The following APPBP2 variants were observed in gnomAD, a reference collection of about 807,000 sequenced individuals.
The protein encoded by APPBP2 is amyloid beta precursor protein binding protein 2.
A neutral mutation model predicts 76.0 loss-of-function variants in APPBP2; 15 were observed. The observed-to-expected ratio is 0.20, with a 90% CI of 0.13 to 0.30. The LOEUF (loss-of-function observed/expected upper bound fraction) is 0.30. Ranked by LOEUF, APPBP2 falls within the 10% of genes least tolerant of loss-of-function variation. The probability of loss-of-function intolerance (pLI) is 1.00; values close to 1 mark genes in which losing one functional copy is unlikely to be tolerated. For synonymous variants in APPBP2, 222 were observed against 242.2 expected (o/e 0.92, Z 0.77); for missense variants, 401 against 687.2 (o/e 0.58, Z 4.66).
intron 1 of APPBP2, among the ~76,000 whole-genome samples, chr17:60,515,481 T>C (rs2090955319): frequency 6.6e-6 from 1 of 152,212 alleles, no homozygotes; most frequent in Admixed American, 6.5e-5. Context: ...ATATTTTAAA[T>C]GTGAAGCTTG....
At chr17:60,515,112 AT>A (rs746696162) in intron 1 of APPBP2, among the ~76,000 whole-genome samples, 2,412 of 106,228 alleles carry the variant, frequency 0.023, 50 homozygotes, top group East Asian at 0.16. Context: ...CCTATTTTAA[AT>A]TTTTTTTTTT....
chr17:60,494,323 T>A, intron 3 of APPBP2, 143 bp downstream of exon 3: 1 of 768,438 alleles, frequency 1.3e-6, no homozygotes, highest in East Asian at 2.8e-5. Flanking sequence ...GTATAATGCT[T>A]TGGCATGGGG....
At position 60,494,528 on chromosome 17, in the gene APPBP2, G is replaced by T. The variant is rs747812788; in HGVS notation, c.317C>A (p.Ser106Tyr). 17 of 1,612,460 alleles carry T rather than the reference G, an allele frequency of 1.1e-5. No individual in the cohort carries two copies. The highest frequency in any genetic ancestry group is 1.4e-5 in the Non-Finnish European group (17 of 1,179,752). ...TGCAGCATCTGATTCTGCTATATAA[G>T]AGCACCGCCTACTGAATGAGTAGGC... ...VLAYSFSRRC[S>Y]YIAESDAAVK... is the part of the protein sequence containing the mutation. Residue 106 changes from serine to tyrosine, a missense_variant, in exon 3 of 13, where the codon TCT becomes TAT. This residue lies in a region of APPBP2 where 149 missense variants were observed against 198.4 expected (regional missense o/e 0.75). Transcript: ENST00000083182.
intron 1 of APPBP2, among the ~76,000 whole-genome samples, chr17:60,501,715 A>C (rs976116630): frequency 6.6e-6 from 1 of 152,216 alleles, no homozygotes; most frequent in African/African-American, 2.4e-5. Context: ...TTTATATTAC[A>C]GGCATTTAAC....
At chr17:60,521,826 TG>T (rs2091012213) in intron 1 of APPBP2, among the ~76,000 whole-genome samples, 2 of 152,224 alleles carry the variant, frequency 1.3e-5, no homozygotes, top group Non-Finnish European at 2.9e-5. Flanking sequence ...ATTTTATGTG[TG>T]GCCCAAGACA....
intron 1 of APPBP2, among the ~76,000 whole-genome samples, chr17:60,519,046 G>C (rs906927044): frequency 1.3e-5 from 2 of 151,996 alleles, no homozygotes; most frequent in Admixed American, 1.3e-4. Context: ...GAGCGGCCTC[G>C]ACTTGCCAAG....
chr17:60,467,061 G>C (rs1393432992), intron 4 of APPBP2, among the ~76,000 whole-genome samples: 1 of 152,160 alleles, frequency 6.6e-6, no homozygotes, highest in South Asian at 2.1e-4. Flanking sequence ...ATAGTACAAT[G>C]CTTTAGATCA....
intron 3 of APPBP2, among the ~76,000 whole-genome samples, 177 bp from the exon 4 acceptor site, chr17:60,479,448 G>C (rs1177374098): frequency 6.6e-6 from 1 of 152,152 alleles, no homozygotes; most frequent in Non-Finnish European, 1.5e-5. Flanking sequence ...TTTGAACTAC[G>C]GGAAGGAGGG....
rs1419931621 is a variant in APPBP2 at position 60,445,737 on chromosome 17, G to A, written c.*1844C>T. On this transcript the variant is annotated 3_prime_UTR_variant, in exon 13 of 13. Transcript: ENST00000083182. Reference sequence around the variant, plus strand: ...GGGGTGGGGGGCAGCTTCATAAACTGCAAGTACGTCAATTTACTCTTTCCA... The same window carrying A: ...GGGGTGGGGGGCAGCTTCATAAACTACAAGTACGTCAATTTACTCTTTCCA... The A allele has an allele frequency of 2.0e-5, 3 of 152,218 alleles. 1 individual carries two copies. The East Asian group carries it at 5.8e-4, about 29-fold the overall frequency. The allele number at this position is 152,218 out of a possible 1,614,324, so 9.4% of individuals were successfully genotyped here.
intron 1 of APPBP2, among the ~76,000 whole-genome samples, chr17:60,519,014 A>AGC (rs1242955300): frequency 6.6e-6 from 1 of 152,176 alleles, no homozygotes; most frequent in Non-Finnish European, 1.5e-5. Context: ...GCTAGTGTGC[A>AGC]GCGGCACAAT....
At chr17:60,518,503 C>CGT (rs146968316) in intron 1 of APPBP2, among the ~76,000 whole-genome samples, 12,864 of 133,534 alleles carry the variant, frequency 0.096, 2,136 homozygotes, top group African/African-American at 0.34. Flanking sequence ...CATGCCCAGC[C>CGT]GTGTGTGTGT....
At chr17:60,513,611 C>T (rs2090937553) in intron 1 of APPBP2, 3 of 299,078 alleles carry the variant, frequency 1.0e-5, no homozygotes, top group Non-Finnish European at 1.9e-5. Flanking sequence ...TCTGTAATCC[C>T]AGCACTTTGA....
At chr17:60,464,531 T>C (rs959628573) in intron 5 of APPBP2, among the ~76,000 whole-genome samples, 2 of 152,198 alleles carry the variant, frequency 1.3e-5, no homozygotes, top group African/African-American at 2.4e-5. Context: ...ATTGTCTGTT[T>C]AGTTGAGTGT....
chr17:60,485,147 G>A (rs2090663286), intron 3 of APPBP2, among the ~76,000 whole-genome samples: 1 of 152,096 alleles, frequency 6.6e-6, no homozygotes, highest in Non-Finnish European at 1.5e-5. Context: ...TGTTCATCAG[G>A]GATATTGGTC....
chr17:60,468,919 G>C (rs1192229360), intron 4 of APPBP2, among the ~76,000 whole-genome samples: 1 of 152,126 alleles, frequency 6.6e-6, no homozygotes, highest in Admixed American at 6.6e-5. Context: ...AAATGTGTAA[G>C]TCATTAGTTT....
At chr17:60,471,825 C>T (rs1598354031) in intron 4 of APPBP2, among the ~76,000 whole-genome samples, 2 of 152,144 alleles carry the variant, frequency 1.3e-5, no homozygotes, top group South Asian at 4.1e-4. Context: ...GTAACGTTAA[C>T]CTTTTAAAAC....
intron 10 of APPBP2, among the ~76,000 whole-genome samples, chr17:60,455,647 A>C (rs1443072133): frequency 6.6e-6 from 1 of 152,256 alleles, no homozygotes; most frequent in Admixed American, 6.5e-5. Flanking sequence ...ACAAAGCTGA[A>C]GTTATGAAAC....
intron 4 of APPBP2, among the ~76,000 whole-genome samples, chr17:60,470,827 G>A (rs1352056825): frequency 1.4e-5 from 2 of 147,620 alleles, no homozygotes; most frequent in African/African-American, 5.0e-5. Flanking sequence ...GTCTTGCTCT[G>A]TTGCCCAGGC....
At chr17:60,485,118 T>C (rs1218264971) in intron 3 of APPBP2, among the ~76,000 whole-genome samples, 1 of 152,230 alleles carries the variant, frequency 6.6e-6, no homozygotes, top group African/African-American at 2.4e-5. Flanking sequence ...CGGTATTTTA[T>C]TGAGGATTTT....
Sources: gnomAD v4.1 joint callset for allele counts (sites outside exome capture counted in the v4.1 genomes callset) on GRCh38, gnomAD v4.1.1 for gene constraint, gnomAD v4.1.1 regional missense constraint, MANE v1.5 for transcripts, NCBI Gene and HGNC (gene_info 2026-07-23, HGNC 2026-07-21) for gene names.